The following GLDC variants were observed in gnomAD, a reference collection of about 807,000 sequenced individuals.
GLDC encodes glycine decarboxylase.
GLDC carries 104 observed loss-of-function variants against 121.3 expected under a neutral mutation model. That is an observed-to-expected ratio of 0.86 (90% CI 0.73 to 1.01). The LOEUF (loss-of-function observed/expected upper bound fraction) is 1.01, where lower values mean the gene tolerates loss of function less well. GLDC is among the 50% of genes least tolerant of loss of function. The pLI is 0.00. For synonymous variants in GLDC, 546 were observed against 480.6 expected, an observed-to-expected ratio of 1.14 and a Z score of -1.78; for missense variants, 1,429 against 1,306.6, an observed-to-expected ratio of 1.09 and a Z score of -1.44.
chr9:6,539,788 C>CA (rs1226400021), intron 22 of GLDC, among the ~76,000 whole-genome samples: 1 of 152,194 alleles, frequency 6.6e-6, no homozygotes, highest in African/African-American at 2.4e-5. Flanking sequence ...CACTGCAACT[C>CA]AAAGGGGTTT....
intron 16 of GLDC, among the ~76,000 whole-genome samples, chr9:6,562,953 C>T (rs572845019): frequency 2.0e-5 from 3 of 152,328 alleles, no homozygotes; most frequent in East Asian, 1.9e-4. Flanking sequence ...GCTTCCCTGC[C>T]TCTCCCTTTC....
Position 6,620,374 on chromosome 9 carries a change from A to C in GLDC, c.335-55T>G, listed in dbSNP as rs564616611. 3.4e-6 allele frequency: 5 copies of C among 1,459,964 alleles called. No homozygotes were observed. In the East Asian group the frequency reaches 9.0e-5, roughly 26 times the overall value. The allele number at this position is 1,459,964 out of a possible 1,614,324, so 90.4% of individuals were successfully genotyped here. A position where few individuals can be genotyped will look rare whatever the true frequency, so the allele number is the denominator to read the frequency against. Reference sequence around the variant, plus strand: ...GACAGATGTCTCAGAAAAGAGCTCTAATTACAGTTTAAATCCCTCATTTTG... The same window carrying C: ...GACAGATGTCTCAGAAAAGAGCTCTCATTACAGTTTAAATCCCTCATTTTG... On this transcript the variant is annotated intron_variant, in intron 2 of 24. Coordinates refer to ENST00000321612, the MANE Select transcript of GLDC (RefSeq NM_000170.3).
intron 15 of GLDC, among the ~76,000 whole-genome samples, chr9:6,577,447 T>A (rs1012692058): frequency 6.6e-6 from 1 of 152,188 alleles, no homozygotes; most frequent in African/African-American, 2.4e-5. Context: ...AGGAACCCTC[T>A]GAGATCAGGA....
intron 3 of GLDC, among the ~76,000 whole-genome samples, chr9:6,617,422 T>C (rs1462998070): frequency 6.6e-6 from 1 of 152,156 alleles, no homozygotes; most frequent in Non-Finnish European, 1.5e-5. Flanking sequence ...CTGGCCAGTA[T>C]TCAGATGGCT....
chr9:6,565,694 C>G (rs1416042712), intron 15 of GLDC: 2 of 594,006 alleles, frequency 3.4e-6, no homozygotes, highest in Non-Finnish European at 6.0e-6. Flanking sequence ...TTGCTCAGGA[C>G]CACGCATTGA....
intron 16 of GLDC, 73 bp from the exon 17 acceptor site, chr9:6,558,757 C>A (rs1446206164): frequency 1.3e-6 from 2 of 1,525,910 alleles, no homozygotes; most frequent in Non-Finnish European, 1.8e-6. Context: ...AAAAGTACTA[C>A]AACATGCTTG....
At chr9:6,564,266 C>A (rs779273158) in intron 16 of GLDC, among the ~76,000 whole-genome samples, 2 of 151,082 alleles carry the variant, frequency 1.3e-5, no homozygotes, top group African/African-American at 4.9e-5. Flanking sequence ...AAAAAAAATT[C>A]TATTCCCCAA....
chr9:6,593,201 T>C (rs982475606), intron 9 of GLDC: 1 of 552,676 alleles, frequency 1.8e-6, no homozygotes, highest in Admixed American at 3.1e-5. Context: ...AAAATCAACA[T>C]ACAATTGCAT....
intron 2 of GLDC, among the ~76,000 whole-genome samples, chr9:6,629,857 T>G (rs1407514146): frequency 6.7e-6 from 1 of 149,010 alleles, no homozygotes; most frequent in East Asian, 1.9e-4. Flanking sequence ...TAGCAGAACA[T>G]CTTTGTGATG....
At chr9:6,600,377 GAA>G (rs1262739023) in intron 8 of GLDC, among the ~76,000 whole-genome samples, 7 of 111,170 alleles carry the variant, frequency 6.3e-5, no homozygotes, top group African/African-American at 1.3e-4. Flanking sequence ...TCTGTCTCAA[GAA>G]AAAAAAAAAA....
intron 2 of GLDC, among the ~76,000 whole-genome samples, chr9:6,638,132 A>G (rs1819546510): frequency 6.6e-6 from 1 of 152,056 alleles, no homozygotes; most frequent in East Asian, 1.9e-4. Flanking sequence ...TGCTTGCCGA[A>G]TTATGTCTTG....
At chr9:6,552,722 G>T (rs1389531700) in intron 20 of GLDC, among the ~76,000 whole-genome samples, 1 of 152,120 alleles carries the variant, frequency 6.6e-6, no homozygotes, top group Non-Finnish European at 1.5e-5. Context: ...TCACAGTCTT[G>T]TCAGTCCAGG....
chr9:6,623,935 T>C (rs1214107029), intron 2 of GLDC, among the ~76,000 whole-genome samples: 1 of 152,226 alleles, frequency 6.6e-6, no homozygotes, highest in Non-Finnish European at 1.5e-5. Context: ...GAGTCCGGCT[T>C]CAATTATGAT....
At chr9:6,555,896 A>C (rs1347980523) in intron 18 of GLDC, among the ~76,000 whole-genome samples, 1 of 152,238 alleles carries the variant, frequency 6.6e-6, no homozygotes, top group Non-Finnish European at 1.5e-5. Flanking sequence ...GCATTTCTTC[A>C]GAGGTTCACA....
Position 6,607,142 on chromosome 9 carries a change from A to G in GLDC, c.636-473T>C, listed in dbSNP as rs117225298. 8.2e-3 allele frequency among the ~76,000 whole-genome samples: 1,252 copies of G among 152,298 alleles called. 12 individuals carry two copies. The highest frequency in any genetic ancestry group is 0.027 in the Middle Eastern group (8 of 294). ...CTGATTAGCATTCCTCATAGATCCA[A>G]TTCCCATTCTAACCCCATTTAGAAA... On this transcript the variant is annotated intron_variant, in intron 4 of 24. Coordinates refer to ENST00000321612, the MANE Select transcript of GLDC (RefSeq NM_000170.3).
intron 15 of GLDC, among the ~76,000 whole-genome samples, chr9:6,576,690 C>T (rs561902991): frequency 6.6e-6 from 1 of 152,186 alleles, no homozygotes; most frequent in Admixed American, 6.6e-5. Flanking sequence ...TGGTCTCAAA[C>T]TCCTGATCTC....
At chr9:6,567,980 G>T (rs1399123776) in intron 15 of GLDC, among the ~76,000 whole-genome samples, 1 of 152,216 alleles carries the variant, frequency 6.6e-6, no homozygotes, top group Non-Finnish European at 1.5e-5. Flanking sequence ...CAATCAATAT[G>T]AATGTCATCC....
intron 2 of GLDC, among the ~76,000 whole-genome samples, chr9:6,627,877 A>G (rs758663686): frequency 6.6e-5 from 10 of 152,206 alleles, no homozygotes; most frequent in Non-Finnish European, 1.0e-4. Flanking sequence ...ACTGGTTGCC[A>G]TTTCTCAGAC....
chr9:6,638,208 T>C (rs1395144494), intron 2 of GLDC, among the ~76,000 whole-genome samples: 1 of 151,718 alleles, frequency 6.6e-6, no homozygotes, highest in Non-Finnish European at 1.5e-5. Flanking sequence ...TTTTTGTTTG[T>C]TTGTTTGTTG....
Sources: allele counts gnomAD v4.1 joint callset (sites outside exome capture counted in the v4.1 genomes callset), GRCh38; gene constraint gnomAD v4.1.1; transcripts MANE v1.5; gene names NCBI Gene and HGNC (gene_info 2026-07-23, HGNC 2026-07-21).